The following SPEF2 variants were observed in gnomAD, a reference collection of about 807,000 sequenced individuals.
SPEF2 encodes sperm flagella and cilia-associated protein 2.
In SPEF2, 187 loss-of-function variants were observed where a neutral mutation model predicts 224.6. That is an observed-to-expected ratio of 0.83 (90% CI 0.74 to 0.94). The LOEUF (loss-of-function observed/expected upper bound fraction) is 0.94. Ranked by LOEUF, SPEF2 falls within the 40% of genes least tolerant of loss-of-function variation. The pLI, the probability that SPEF2 is intolerant of heterozygous loss-of-function variation, is 0.00. For missense variants in SPEF2, 2,170 were observed against 2,135.6 expected (o/e 1.02, Z -0.32); for synonymous variants, 715 against 707.3 (o/e 1.01, Z -0.17).
intron 34 of SPEF2, among the ~76,000 whole-genome samples, chr5:35,801,647 A>G (rs1329119310): frequency 6.6e-6 from 1 of 152,156 alleles, no homozygotes; most frequent in African/African-American, 2.4e-5. Context: ...CTCTGGATCT[A>G]TGATCTAAGC....
chr5:35,779,134 A>G lies in SPEF2; in HGVS notation c.4235A>G (p.Asp1412Gly). The change falls in exon 30 of 37, where the codon GAC becomes GGC. Residue 1412 changes from aspartate (D) to glycine (G), a missense_variant. Transcript: ENST00000356031. ...ACTTTCAGTACAGAAAAATTAACTG[A>G]CGTAGCTCGCTATCACATTGAAACA... ...NEMASTEKLT[D>G]VARYHIETST... is the part of the protein sequence containing the mutation. The G allele has an allele frequency of 6.2e-7, 1 of 1,613,196 alleles. No homozygotes were observed. The highest frequency in any genetic ancestry group is 8.5e-7 in the Non-Finnish European group (1 of 1,179,582).
chr5:35,695,734 G>A lies in SPEF2; in HGVS notation c.1976-1G>A. 6.2e-7 allele frequency: 1 copy of A among 1,606,646 alleles called. No homozygotes were observed. The highest frequency in any genetic ancestry group is 1.3e-5 in the African/African-American group (1 of 74,748). Reference sequence around the variant, plus strand: ...GTTCTTACCACTTTTCCTATTGCTAGGTGCTAATGCTGATAAAACACCAAA... The same window carrying A: ...GTTCTTACCACTTTTCCTATTGCTAAGTGCTAATGCTGATAAAACACCAAA... On this transcript the variant is annotated splice_acceptor_variant, in intron 13 of 36. Transcript: ENST00000356031. LOFTEE classifies it high-confidence loss of function.
chr5:35,650,263 A>G (rs1747992603), intron 6 of SPEF2, among the ~76,000 whole-genome samples: 1 of 152,186 alleles, frequency 6.6e-6, no homozygotes, highest in South Asian at 2.1e-4. Flanking sequence ...ATTAAGCAAA[A>G]TGGAGAATAC....
intron 25 of SPEF2, among the ~76,000 whole-genome samples, chr5:35,762,384 T>C (rs1055331437): frequency 2.0e-5 from 3 of 152,234 alleles, no homozygotes; most frequent in African/African-American, 7.2e-5. Context: ...CCCGAACTTA[T>C]TGAACACATG....
chr5:35,643,011 A>T (rs757938792), intron 3 of SPEF2, among the ~76,000 whole-genome samples: 2 of 152,168 alleles, frequency 1.3e-5, no homozygotes. Context: ...CCCAACTGTA[A>T]AAACAGGGAT....
intron 31 of SPEF2, 21 bp from the exon 32 acceptor site, chr5:35,793,138 A>C (rs373118004): frequency 3.4e-5 from 55 of 1,604,650 alleles, no homozygotes; most frequent in Non-Finnish European, 4.4e-5. Flanking sequence ...TATTCCAAAG[A>C]TATTTCCTGT....
intron 36 of SPEF2, among the ~76,000 whole-genome samples, chr5:35,808,730 G>A (rs1758352116): frequency 7.1e-6 from 1 of 141,650 alleles, no homozygotes; most frequent in East Asian, 2.0e-4. Flanking sequence ...ATATTTATAT[G>A]TATATATATA....
chr5:35,809,686 G>A (rs183816213), intron 36 of SPEF2, among the ~76,000 whole-genome samples: 3 of 152,258 alleles, frequency 2.0e-5, no homozygotes, highest in Admixed American at 1.3e-4. Flanking sequence ...AGGGAAATGT[G>A]GATTCCATTT....
intron 15 of SPEF2, chr5:35,699,547 C>G (rs1738149019): frequency 6.6e-6 from 1 of 152,144 alleles, no homozygotes; most frequent in Non-Finnish European, 1.5e-5. Context: ...AAGTGGAAGT[C>G]AGAGAAATTC....
At chr5:35,710,418 G>A (rs540204586) in intron 19 of SPEF2, 4 of 493,940 alleles carry the variant, frequency 8.1e-6, no homozygotes, top group East Asian at 1.5e-4. Context: ...TTAGCTGGGC[G>A]TGGTGGCAGG....
chr5:35,748,626 G>A (rs1303431468), intron 23 of SPEF2, among the ~76,000 whole-genome samples: 1 of 152,060 alleles, frequency 6.6e-6, no homozygotes, highest in East Asian at 1.9e-4. Context: ...AAATCAAGAA[G>A]AATTAGATAC....
chr5:35,648,393 T>G (rs901699889), intron 5 of SPEF2, among the ~76,000 whole-genome samples: 6 of 152,002 alleles, frequency 3.9e-5, no homozygotes, highest in Admixed American at 1.3e-4. Context: ...TTGTTTGTTT[T>G]TTTTCTTTTT....
intron 34 of SPEF2, among the ~76,000 whole-genome samples, chr5:35,801,918 T>C (rs759308133): frequency 6.6e-6 from 1 of 152,222 alleles, no homozygotes; most frequent in Non-Finnish European, 1.5e-5. Context: ...TCAGTAAACA[T>C]TGCATTCATT....
chr5:35,709,021 A>ACCTCCTCCTGCT lies in SPEF2; in HGVS notation c.2750_2761dup (p.Ala917_Pro920dup). ...CCCTGGCTGAGCTTCCACTTCCTACACCTCCTCCTGCTCCTCCTCCTGAAC... is the reference window on the plus strand; with the variant it reads ...CCCTGGCTGAGCTTCCACTTCCTACACCTCCTCCTGCTCCTCCTCCTGCTCCTCCTCCTGAAC... On this transcript the variant is annotated inframe_insertion, in exon 19 of 37. Transcript: ENST00000356031. 1 of 1,613,742 alleles carries ACCTCCTCCTGCT rather than the reference A, an allele frequency of 6.2e-7. No homozygotes were observed. Among genetic ancestry groups the ACCTCCTCCTGCT allele is most frequent in the Non-Finnish European group, 8.5e-7 (1 of 1,179,808 alleles).
intron 10 of SPEF2, among the ~76,000 whole-genome samples, chr5:35,672,092 G>A (rs530446372): frequency 7.9e-5 from 12 of 151,376 alleles, no homozygotes; most frequent in South Asian, 2.1e-4. Context: ...GGCTTAAATA[G>A]TCTATCACAA....
intron 6 of SPEF2, among the ~76,000 whole-genome samples, chr5:35,650,888 T>C (rs563930574): frequency 6.6e-6 from 1 of 151,212 alleles, no homozygotes; most frequent in South Asian, 2.1e-4. Context: ...TTGTCTCTCA[T>C]GTAATAGAAA....
At chr5:35,725,564 C>G (rs2149648774) in intron 20 of SPEF2, among the ~76,000 whole-genome samples, 1 of 152,252 alleles carries the variant, frequency 6.6e-6, no homozygotes, top group Admixed American at 6.5e-5. Flanking sequence ...TTCCTAATGT[C>G]CTCTCATCAA....
intron 4 of SPEF2, among the ~76,000 whole-genome samples, chr5:35,645,724 T>C (rs576326547): frequency 1.8e-4 from 28 of 152,256 alleles, no homozygotes; most frequent in African/African-American, 6.7e-4. Flanking sequence ...AAAGGAAATA[T>C]GATACCATTA....
intron 1 of SPEF2, among the ~76,000 whole-genome samples, chr5:35,626,382 A>G (rs1333365597): frequency 6.6e-6 from 1 of 152,212 alleles, no homozygotes; most frequent in African/African-American, 2.4e-5. Flanking sequence ...AAAGCTTACT[A>G]AAATCCACTA....
Sources: allele counts gnomAD v4.1 joint callset (sites outside exome capture counted in the v4.1 genomes callset), GRCh38; gene constraint gnomAD v4.1.1; transcripts MANE v1.5; gene names NCBI Gene and HGNC (gene_info 2026-07-23, HGNC 2026-07-21).